TSPAN1: variants seen among roughly 807,000 people sequenced by gnomAD.
The protein encoded by TSPAN1 is tetraspanin 1, also known as tetraspanin-1.
A neutral mutation model predicts 26.9 loss-of-function variants in TSPAN1; 23 were observed. The ratio of observed to expected loss-of-function variants is 0.85; its 90% CI spans 0.62 to 1.21. TSPAN1 has a LOEUF of 1.21. Among genes scored for constraint, TSPAN1 ranks in the 50% most tolerant of loss-of-function variants. TSPAN1 has a pLI of 0.00. For synonymous variants in TSPAN1, 115 were observed against 114.8 expected (o/e 1.00, Z -0.01); for missense variants, 283 against 298.4 (o/e 0.95, Z 0.38).
intron 1 of TSPAN1, among the ~76,000 whole-genome samples, chr1:46,178,348 T>G (rs1657232672): frequency 7.4e-6 from 1 of 135,344 alleles, no homozygotes; most frequent in Non-Finnish European, 1.6e-5. Flanking sequence ...CAGAGTGAGA[T>G]TCTGTCAAAA....
chr1:46,193,738 G>C, the TSPAN1 span: 1 of 1,599,892 alleles, frequency 6.3e-7, no homozygotes, highest in Non-Finnish European at 8.5e-7. Flanking sequence ...CTTACCCACA[G>C]AGGTGAATGC....
At chr1:46,183,059 C>T (rs1657349297) in intron 3 of TSPAN1, among the ~76,000 whole-genome samples, 1 of 152,172 alleles carries the variant, frequency 6.6e-6, no homozygotes, top group Non-Finnish European at 1.5e-5. Context: ...AAGTGATTCT[C>T]CCACCTCTGC....
chr1:46,190,031 C>T (rs907393810), downstream of TSPAN1: 13 of 1,610,166 alleles, frequency 8.1e-6, no homozygotes, highest in African/African-American at 1.7e-4. Flanking sequence ...ACAGGGCCCA[C>T]TTCATGGGTG....
chr1:46,194,223 C>T, the TSPAN1 span: 5 of 1,614,082 alleles, frequency 3.1e-6, no homozygotes, highest in Non-Finnish European at 4.2e-6. Flanking sequence ...TGGGGCCCCC[C>T]TGCTGAGCTG....
chr1:46,182,313 A>AAAAAAAAAAAAAAAAAAAAAAAAAAAAC (rs1256911000), intron 3 of TSPAN1, among the ~76,000 whole-genome samples: 1 of 145,452 alleles, frequency 6.9e-6, no homozygotes, highest in Non-Finnish European at 1.5e-5. Flanking sequence ...GCAAAAAAAA[A>AAAAAAAAAAAAAAAAAAAAAAAAAAAAC]AAAAGCCACT....
At position 46,184,192 on chromosome 1, in the gene TSPAN1, T is replaced by C. The variant is rs181648118; in HGVS notation, c.59T>C (p.Leu20Pro). ...CCTGCCTGACCTCTCTCTCCCCAGC[T>C]GTGTGGTGCAGCCCTGTTGGCAGTG... ...MMILFNLLIFLCGAALLAVGI... is the reference protein window; with the variant it reads ...MMILFNLLIFPCGAALLAVGI... The change falls in exon 4 of 9, where the codon CTG (leucine) becomes CCG (proline). Residue 20 changes from leucine to proline, a missense_variant and splice_region_variant. Transcript: ENST00000372003. 6.2e-7 allele frequency: 1 copy of C among 1,614,162 alleles called. No individual in the cohort carries two copies. The highest frequency in any genetic ancestry group is 1.3e-5 in the African/African-American group (1 of 75,046).
At chr1:46,193,764 C>A in the TSPAN1 span, 2 of 1,597,398 alleles carry the variant, frequency 1.3e-6, no homozygotes, top group South Asian at 2.2e-5. Context: ...GAATCTATTG[C>A]CTTTCTGCCC....
At chr1:46,189,491 A>C (rs1281893777), downstream of TSPAN1, 1 of 1,613,560 alleles carries the variant, frequency 6.2e-7, no homozygotes, top group Non-Finnish European at 8.5e-7. Context: ...CACCATCAGG[A>C]AGTGGTTCTT....
At chr1:46,184,038 C>CT (rs1316038855) in intron 3 of TSPAN1, 153 bp from the exon 4 acceptor site, 9 of 757,544 alleles carry the variant, frequency 1.2e-5, no homozygotes, top group Admixed American at 6.8e-5. Flanking sequence ...TTTTCTGGCT[C>CT]TAGAGGATGT....
intron 6 of TSPAN1, 29 bp from the exon 7 acceptor site, chr1:46,184,931 C>G: frequency 6.2e-7 from 1 of 1,614,064 alleles, no homozygotes; most frequent in Middle Eastern, 1.6e-4. Flanking sequence ...AGAAGCAAGG[C>G]CCCACCTCCA....
chr1:46,193,225 G>T, the TSPAN1 span: 5 of 1,614,160 alleles, frequency 3.1e-6, no homozygotes, highest in Non-Finnish European at 4.2e-6. Flanking sequence ...GCTGGGAGTG[G>T]GGTGGGAATA....
In TSPAN1 at chr1:46,184,391, C is replaced by T. The variant is rs1021492811; in HGVS notation, c.258C>T (p.Leu86=). 6 of 1,613,950 alleles carry T rather than the reference C, an allele frequency of 3.7e-6. No individual in the cohort carries two copies. The highest frequency in any genetic ancestry group is 1.7e-5 in the Admixed American group (1 of 59,970). ...YGAKTESKCA[L]VTFFFILLLI... is the part of the protein sequence containing the mutation. ...CTAAGACTGAGAGCAAGTGTGCCCT[C>T]GTGACGGTGTGTGAAACCCAGCTCC... Residue 86 remains leucine, a synonymous_variant, in exon 4 of 9, where the codon CTC becomes CTT. Transcript: ENST00000372003.
In TSPAN1 at chr1:46,185,580, A is replaced by G. The variant is rs1236835755; in HGVS notation, c.*47A>G. On this transcript the variant is annotated 3_prime_UTR_variant, in exon 9 of 9. Coordinates refer to ENST00000372003, the MANE Select transcript of TSPAN1 (RefSeq NM_005727.4). ...TACTGCTGCCACATGGGAACTGTGA[A>G]GAGGCACCCTGGCAAGCAGCAGTGA... The G allele has an allele frequency of 2.5e-6, 4 of 1,602,848 alleles. No individual in the cohort carries two copies. Among genetic ancestry groups the G allele is most frequent in the Non-Finnish European group, 3.4e-6 (4 of 1,170,512 alleles).
Position 46,184,250 on chromosome 1 carries a change from T to C in TSPAN1, c.117T>C (p.Phe39=), listed in dbSNP as rs150230789. The change falls in exon 4 of 9, where the codon TTT becomes TTC. Residue 39 remains phenylalanine, a synonymous_variant. Coordinates refer to ENST00000372003, the MANE Select transcript of TSPAN1 (RefSeq NM_005727.4). ...GGGTGTCAATCGATGGGGCATCCTT[T>C]CTGAAGATCTTCGGGCCACTGTCGT... is the stretch of plus-strand genomic sequence containing the variant. ...GIWVSIDGAS[F]LKIFGPLSSS... 1.2e-6 allele frequency: 2 copies of C among 1,614,068 alleles called. No individual in the cohort carries two copies. Among genetic ancestry groups the C allele is most frequent in the African/African-American group, 2.7e-5 (2 of 74,914 alleles).
At chr1:46,191,133 G>A in the TSPAN1 span, 1 of 354,952 alleles carries the variant, frequency 2.8e-6, no homozygotes, top group Non-Finnish European at 5.5e-6. Flanking sequence ...TGGGCAAAGG[G>A]ACGGGCTGGG....
chr1:46,193,630 G>C, the TSPAN1 span: 417 of 1,614,078 alleles, frequency 2.6e-4, no homozygotes, highest in Non-Finnish European at 3.2e-4. Context: ...AAAGCAGAGA[G>C]CGCAGCATCC....
At chr1:46,194,697 T>C in the TSPAN1 span, 18 of 1,614,154 alleles carry the variant, frequency 1.1e-5, no homozygotes, top group African/African-American at 8.0e-5. Flanking sequence ...AGACACCAGT[T>C]TGGGGGCTTT....
Position 46,184,196 on chromosome 1 carries a change from T to C in TSPAN1, c.63T>C (p.Cys21=). The change falls in exon 4 of 9, where the codon TGT becomes TGC. Residue 21 remains cysteine (C), a synonymous_variant. Transcript: ENST00000372003. ...MILFNLLIFL[C]GAALLAVGIW... is the part of the protein sequence containing the mutation. Reference sequence around the variant, plus strand: ...CCTGACCTCTCTCTCCCCAGCTGTGTGGTGCAGCCCTGTTGGCAGTGGGCA... The same window carrying C: ...CCTGACCTCTCTCTCCCCAGCTGTGCGGTGCAGCCCTGTTGGCAGTGGGCA... 6.2e-7 allele frequency: 1 copy of C among 1,614,170 alleles called. No homozygotes were observed. The highest frequency in any genetic ancestry group is 8.5e-7 in the Non-Finnish European group (1 of 1,180,016).
Position 46,185,629 on chromosome 1 carries a change from CAAT to C in TSPAN1, c.*97_*99del. The C allele has an allele frequency of 7.1e-7, 1 of 1,417,890 alleles. No individual in the cohort carries two copies. The highest frequency in any genetic ancestry group is 9.9e-7 in the Non-Finnish European group (1 of 1,015,102). 87.8% of individuals were successfully genotyped at this position (1,417,890 alleles called of 1,614,324 possible). On this transcript the variant is annotated 3_prime_UTR_variant, in exon 9 of 9. Transcript: ENST00000372003. ...GATTGGGGGAGGGGACAGGATCTAA[CAAT>C]GTCACTTGGGCCAGAATGGACCTGC...
Sources: gnomAD v4.1 joint callset for allele counts (sites outside exome capture counted in the v4.1 genomes callset) on GRCh38, gnomAD v4.1.1 for gene constraint, MANE v1.5 for transcripts, NCBI Gene and HGNC (gene_info 2026-07-23, HGNC 2026-07-21) for gene names.